FAM168A: variants seen among roughly 807,000 people sequenced by gnomAD.
FAM168A encodes the protein family with sequence similarity 168 member A, also known as protein FAM168A.
FAM168A carries 3 observed loss-of-function variants against 28.5 expected under a neutral mutation model. That is an observed-to-expected ratio of 0.11 (90% confidence interval 0.05 to 0.27). The LOEUF (loss-of-function observed/expected upper bound fraction) is 0.27, where lower values mean the gene tolerates loss of function less well. Among genes scored for constraint, FAM168A ranks in the 10% least tolerant of loss-of-function variants. The pLI, the probability that FAM168A is intolerant of heterozygous loss-of-function variation, is 1.00. For missense variants in FAM168A, 222 were observed against 311.5 expected, an observed-to-expected ratio of 0.71 and a Z score of 2.16; for synonymous variants, 122 against 124.2, an observed-to-expected ratio of 0.98 and a Z score of 0.12.
chr11:73,562,244 A>G (rs1038801791), intron 1 of FAM168A, among the ~76,000 whole-genome samples: 4 of 152,160 alleles, frequency 2.6e-5, no homozygotes, highest in African/African-American at 7.2e-5. Flanking sequence ...CCCAGCCTAC[A>G]GGGGAATATT....
intron 1 of FAM168A, among the ~76,000 whole-genome samples, chr11:73,555,707 C>CAA (rs930124701): frequency 8.5e-6 from 1 of 118,026 alleles, no homozygotes. Context: ...GATTCCATCT[C>CAA]AAAAAAAAAA....
intron 2 of FAM168A, among the ~76,000 whole-genome samples, chr11:73,445,949 G>T (rs1867304703): frequency 6.6e-6 from 1 of 152,202 alleles, no homozygotes; most frequent in Non-Finnish European, 1.5e-5. Context: ...TTTGCTCATG[G>T]TTATGTAAGT....
intron 1 of FAM168A, among the ~76,000 whole-genome samples, chr11:73,535,592 T>C (rs1332423159): frequency 6.6e-6 from 1 of 151,898 alleles, no homozygotes; most frequent in East Asian, 1.9e-4. Context: ...GCTAATTTTT[T>C]GTATTTTTAG....
At chr11:73,569,857 T>TAAATAAATAAATAAAC (rs1210704680) in intron 1 of FAM168A, among the ~76,000 whole-genome samples, 72 of 135,218 alleles carry the variant, frequency 5.3e-4, no homozygotes, top group Non-Finnish European at 8.1e-4. Context: ...AATAAATAAA[T>TAAATAAATAAATAAAC]AAACAAAATA....
intron 1 of FAM168A, among the ~76,000 whole-genome samples, chr11:73,519,341 T>C (rs1943347022): frequency 6.6e-6 from 1 of 152,198 alleles, no homozygotes. Context: ...ATATTTGTTA[T>C]GAGTTCCTAC....
Position 73,402,260 on chromosome 11 carries a change from C to T in FAM168A, c.*4503G>A, listed in dbSNP as rs914332974. The T allele has an allele frequency of 6.6e-6, 1 of 152,358 alleles. No homozygotes were observed. The highest frequency in any genetic ancestry group is 2.1e-4 in the South Asian group (1 of 4,832). 9.4% of individuals were successfully genotyped at this position (152,358 alleles called of 1,614,324 possible). Reference sequence around the variant, plus strand: ...ATGGTGATATATAAGACAAAGTTCACAGGGCCCAGAATGGGGCCCACCCCC... The same window carrying T: ...ATGGTGATATATAAGACAAAGTTCATAGGGCCCAGAATGGGGCCCACCCCC... On this transcript the variant is annotated 3_prime_UTR_variant, in exon 8 of 8. Transcript: ENST00000356467.
intron 2 of FAM168A, among the ~76,000 whole-genome samples, chr11:73,460,755 C>T (rs534283914): frequency 6.6e-4 from 101 of 152,290 alleles, no homozygotes; most frequent in African/African-American, 2.2e-3. Flanking sequence ...CCACCCACCT[C>T]GGCCTTCCAA....
chr11:73,491,514 T>A lies in FAM168A; in HGVS notation c.-18-23022A>T, dbSNP rs188206561. 2.7e-3 allele frequency among the ~76,000 whole-genome samples: 409 copies of A among 152,372 alleles called. 3 individuals carry two copies. The highest frequency in any genetic ancestry group is 9.4e-3 in the African/African-American group (393 of 41,588). Reference sequence around the variant, plus strand: ...TGAATAATTATTGAGGTATTTATTCTGTTTTTACTCAAGACAAAACTGAGT... The same window carrying A: ...TGAATAATTATTGAGGTATTTATTCAGTTTTTACTCAAGACAAAACTGAGT... On this transcript the variant is annotated intron_variant, in intron 1 of 7. Coordinates refer to ENST00000356467, the MANE Select transcript of FAM168A (RefSeq NM_015159.3).
chr11:73,534,832 C>G (rs961248502), intron 1 of FAM168A, among the ~76,000 whole-genome samples: 10 of 152,206 alleles, frequency 6.6e-5, no homozygotes, highest in African/African-American at 2.4e-4. Context: ...TTTCTTTTCC[C>G]TCTGGAGAGA....
At chr11:73,406,970 T>G (rs1866517598) in intron 7 of FAM168A, among the ~76,000 whole-genome samples, 1 of 152,204 alleles carries the variant, frequency 6.6e-6, no homozygotes, top group Admixed American at 6.5e-5. Flanking sequence ...TCACTGTCAC[T>G]GCCTCAGGAG....
chr11:73,591,524 C>T lies in FAM168A; in HGVS notation c.-19+6399G>A, dbSNP rs79707490. On this transcript the variant is annotated intron_variant, in intron 1 of 7. Transcript: ENST00000356467. ...AATTACCCTCTTGAATCTTTTTATTCATTTATTTATTGAGATATAGTCTTG... is the reference window on the plus strand; with the variant it reads ...AATTACCCTCTTGAATCTTTTTATTTATTTATTTATTGAGATATAGTCTTG... Among the ~76,000 whole-genome samples, 57 of 152,172 alleles carry T rather than the reference C, an allele frequency of 3.7e-4. 1 individual carries two copies. The highest frequency in any genetic ancestry group is 7.4e-4 in the Non-Finnish European group (50 of 68,012).
intron 3 of FAM168A, among the ~76,000 whole-genome samples, chr11:73,424,290 A>T (rs116710159): frequency 1.6e-3 from 238 of 152,304 alleles, no homozygotes; most frequent in African/African-American, 5.5e-3. Context: ...AAATTTTACA[A>T]AAACATTTTC....
intron 1 of FAM168A, among the ~76,000 whole-genome samples, chr11:73,505,333 C>T (rs1252192000): frequency 1.3e-5 from 2 of 151,480 alleles, no homozygotes; most frequent in Admixed American, 1.3e-4. Context: ...CTTTGAAAAT[C>T]ACTAAACTTC....
At chr11:73,471,619 T>C (rs975599193) in intron 1 of FAM168A, among the ~76,000 whole-genome samples, 1 of 152,230 alleles carries the variant, frequency 6.6e-6, no homozygotes, top group Non-Finnish European at 1.5e-5. Context: ...TGATGCTCTA[T>C]CTGGGATGGG....
intron 2 of FAM168A, among the ~76,000 whole-genome samples, chr11:73,464,899 C>T (rs182575834): frequency 6.6e-6 from 1 of 151,248 alleles, no homozygotes; most frequent in Non-Finnish European, 1.5e-5. Flanking sequence ...TAGATTGAGG[C>T]CCAGAAAGCT....
chr11:73,410,673 A>C (rs991155794), intron 5 of FAM168A: 4 of 152,172 alleles, frequency 2.6e-5, no homozygotes, highest in African/African-American at 9.7e-5. Context: ...AAAAAATAAA[A>C]CAAGAGGCTT....
intron 1 of FAM168A, among the ~76,000 whole-genome samples, chr11:73,533,869 G>T (rs1436326041): frequency 1.3e-5 from 2 of 152,094 alleles, no homozygotes. Context: ...AACTGTCAAG[G>T]TAAGTTAGTC....
chr11:73,522,128 A>G (rs1390851409), intron 1 of FAM168A, among the ~76,000 whole-genome samples: 1 of 151,414 alleles, frequency 6.6e-6, no homozygotes, highest in East Asian at 1.9e-4. Context: ...GTATTTTGTC[A>G]GGGGCCAGCA....
intron 4 of FAM168A, among the ~76,000 whole-genome samples, chr11:73,412,954 C>T (rs981458045): frequency 1.2e-4 from 18 of 152,266 alleles, no homozygotes; most frequent in Admixed American, 7.2e-4. Flanking sequence ...CCTGGCTTTC[C>T]CCCTAATTTT....
Sources: gnomAD v4.1 joint callset for allele counts (sites outside exome capture counted in the v4.1 genomes callset) on GRCh38, gnomAD v4.1.1 for gene constraint, MANE v1.5 for transcripts, NCBI Gene and HGNC (gene_info 2026-07-23, HGNC 2026-07-21) for gene names.